Variants in FMN1 observed in about 807,000 individuals in gnomAD.
FMN1 encodes the protein formin-1.
Under a neutral mutation model 132.4 loss-of-function variants are expected in FMN1, and 110 were observed. That is an observed-to-expected ratio of 0.83 (90% CI 0.71 to 0.97). The LOEUF (loss-of-function observed/expected upper bound fraction) is 0.97, where lower values mean the gene tolerates loss of function less well. Ranked by LOEUF, FMN1 falls within the 50% of genes least tolerant of loss-of-function variation. The pLI, the probability that FMN1 is intolerant of heterozygous loss-of-function variation, is 0.00. For missense variants in FMN1, 1,792 were observed against 1,705.3 expected, an observed-to-expected ratio of 1.05 and a Z score of -0.90; for synonymous variants, 722 against 651.7, an observed-to-expected ratio of 1.11 and a Z score of -1.64.
chr15:32,859,439 T>C (rs554909840), intron 16 of FMN1, among the ~76,000 whole-genome samples: 12 of 152,346 alleles, frequency 7.9e-5, no homozygotes, highest in Admixed American at 5.9e-4. Flanking sequence ...CCCAGTTCCA[T>C]GTCTTCATTC....
intron 7 of FMN1, among the ~76,000 whole-genome samples, chr15:33,003,992 C>T (rs138832341): frequency 0.77 from 115,962 of 151,120 alleles, 47,974 homozygotes; most frequent in East Asian, 0.91. Context: ...GCTAGCCATA[C>T]GTACAAAGCT....
At position 32,808,901 on chromosome 15, in the gene FMN1, G is replaced by GTTT. The variant is rs35230592; in HGVS notation, c.3929-4572_3929-4570dup. Reference sequence around the variant, plus strand: ...TATCATTTATGCTCAAAACTTTAGTGTTTTTTTTTTTTTCATTTCACTCAC... The same window carrying GTTT: ...TATCATTTATGCTCAAAACTTTAGTGTTTTTTTTTTTTTTTTCATTTCACTCAC... On this transcript the variant is annotated intron_variant, in intron 17 of 20. Coordinates refer to ENST00000616417, the MANE Select transcript of FMN1 (RefSeq NM_001277313.2). Among the ~76,000 whole-genome samples the GTTT allele has an allele frequency of 3.5e-3, 507 of 144,454 alleles. 3 individuals are homozygous for GTTT. Among genetic ancestry groups the GTTT allele is most frequent in the African/African-American group, 0.01 (406 of 39,210 alleles). The allele number at this position is 144,454 out of a possible 152,430, so 94.8% of individuals were successfully genotyped here.
chr15:33,185,784 C>T lies in FMN1; in HGVS notation c.-196-5522G>A, dbSNP rs145080428. ...ACAGGGTTTCACCATGTTGGCCAGG[C>T]TGGTCTCGAACTCCTGACCTCAGGT... is the stretch of plus-strand genomic sequence containing the variant. On this transcript the variant is annotated intron_variant, in intron 2 of 20. Transcript: ENST00000616417. Among the ~76,000 whole-genome samples, 658 of 152,008 alleles carry T rather than the reference C, an allele frequency of 4.3e-3. 2 individuals carry two copies. The highest frequency in any genetic ancestry group is 0.015 in the African/African-American group (641 of 41,454).
intron 9 of FMN1, among the ~76,000 whole-genome samples, chr15:32,946,380 T>A (rs1363241162): frequency 1.3e-5 from 2 of 152,136 alleles, no homozygotes; most frequent in East Asian, 3.9e-4. Flanking sequence ...ACCCAGAGGT[T>A]CTCTTAGATC....
At chr15:33,002,341 T>G (rs1259400134) in intron 7 of FMN1, among the ~76,000 whole-genome samples, 1 of 152,144 alleles carries the variant, frequency 6.6e-6, no homozygotes, top group East Asian at 1.9e-4. Context: ...CATCAACATA[T>G]TTTTCCCACT....
intron 17 of FMN1, among the ~76,000 whole-genome samples, chr15:32,846,609 G>A (rs1317831493): frequency 6.6e-6 from 1 of 152,228 alleles, no homozygotes; most frequent in Non-Finnish European, 1.5e-5. Context: ...TACACTGTTG[G>A]TGGGAATGTA....
chr15:33,027,086 T>C (rs573892211), intron 6 of FMN1, among the ~76,000 whole-genome samples: 22 of 152,154 alleles, frequency 1.4e-4, no homozygotes, highest in East Asian at 7.7e-4. Context: ...TTTTTTTTAA[T>C]GCAAAAGTTT....
intron 12 of FMN1, among the ~76,000 whole-genome samples, chr15:32,907,027 C>T (rs2060442689): frequency 6.6e-6 from 1 of 152,138 alleles, no homozygotes. Context: ...TCTAAATGTC[C>T]AGGCATCCAT....
At position 33,109,603 on chromosome 15, in the gene FMN1, A is replaced by G. The variant is rs182490620; in HGVS notation, c.1868-20629T>C. 6.0e-4 allele frequency among the ~76,000 whole-genome samples: 91 copies of G among 152,218 alleles called. 2 individuals carry two copies. In the East Asian group the frequency reaches 0.012, roughly 21 times the overall value. ...CTAAGGCAGGAACAGAAAATCAAAT[A>G]CTGCGTGTTCTCACTTATAAGCAAG... On this transcript the variant is annotated intron_variant, in intron 4 of 20. Coordinates refer to ENST00000616417, the MANE Select transcript of FMN1 (RefSeq NM_001277313.2).
chr15:32,851,871 G>T (rs921511004), intron 17 of FMN1, among the ~76,000 whole-genome samples: 13 of 152,184 alleles, frequency 8.5e-5, no homozygotes, highest in African/African-American at 3.1e-4. Flanking sequence ...CAACGCACGT[G>T]ACTTCTCAGG....
chr15:32,958,666 CCA>C (rs1003718303), intron 9 of FMN1, among the ~76,000 whole-genome samples: 1 of 152,102 alleles, frequency 6.6e-6, no homozygotes, highest in Non-Finnish European at 1.5e-5. Context: ...TATCTGAGTT[CCA>C]CAGACTCTTG....
At chr15:32,946,289 A>G (rs2061509824) in intron 9 of FMN1, among the ~76,000 whole-genome samples, 1 of 152,130 alleles carries the variant, frequency 6.6e-6, no homozygotes, top group Non-Finnish European at 1.5e-5. Context: ...GGCATAACAT[A>G]GTGACTGAAA....
intron 6 of FMN1, among the ~76,000 whole-genome samples, chr15:33,017,285 G>C (rs142118372): frequency 8.5e-5 from 13 of 152,226 alleles, no homozygotes; most frequent in Non-Finnish European, 1.5e-5. Flanking sequence ...CTTCAGTACA[G>C]AGCCAATTCT....
rs1400104794 is a variant in FMN1 at position 32,771,295 on chromosome 15, G to T, written c.*3015C>A. On this transcript the variant is annotated 3_prime_UTR_variant, in exon 21 of 21. Coordinates refer to ENST00000616417, the MANE Select transcript of FMN1 (RefSeq NM_001277313.2). ...GGGTTTCACCGTGTTAGCCAGGATG[G>T]TCTCAATCTCCTGACCTCGTGATCC... 3 of 151,498 alleles carry T rather than the reference G, an allele frequency of 2.0e-5. No individual in the cohort carries two copies. The highest frequency in any genetic ancestry group is 7.3e-5 in the African/African-American group (3 of 41,186). The allele number at this position is 151,498 out of a possible 1,614,324, so 9.4% of individuals were successfully genotyped here.
chr15:33,091,044 C>T (rs2038884243), intron 4 of FMN1, among the ~76,000 whole-genome samples: 1 of 152,190 alleles, frequency 6.6e-6, no homozygotes, highest in Non-Finnish European at 1.5e-5. Context: ...AATCCCTCCA[C>T]CTTTCATTTT....
intron 9 of FMN1, among the ~76,000 whole-genome samples, chr15:32,929,803 T>C (rs1016320479): frequency 2.6e-5 from 4 of 151,408 alleles, no homozygotes; most frequent in Non-Finnish European, 5.9e-5. Context: ...TTCCACTGTA[T>C]GTACACACCA....
At chr15:32,872,171 T>C (rs1402355657) in intron 16 of FMN1, among the ~76,000 whole-genome samples, 1 of 152,190 alleles carries the variant, frequency 6.6e-6, no homozygotes, top group African/African-American at 2.4e-5. Context: ...CACTCAGAGT[T>C]TTGTAATATA....
rs570780477 is a variant in FMN1, at chr15:33,124,943, G to A, written c.1867+28105C>T. Among the ~76,000 whole-genome samples the A allele has an allele frequency of 5.9e-5, 9 of 152,042 alleles. No homozygotes were observed. The South Asian group carries it at 6.2e-4, about 11-fold the overall frequency. ...ATACTATGTGCCACTCCCCTCCACT[G>A]AGGTTTTGATTTCTTTGAAATCAGA... is the stretch of plus-strand genomic sequence containing the variant. On this transcript the variant is annotated intron_variant, in intron 4 of 20. Coordinates refer to ENST00000616417, the MANE Select transcript of FMN1 (RefSeq NM_001277313.2).
At chr15:32,914,742 G>A (rs1470209380) in intron 10 of FMN1, among the ~76,000 whole-genome samples, 1 of 152,238 alleles carries the variant, frequency 6.6e-6, no homozygotes, top group Non-Finnish European at 1.5e-5. Flanking sequence ...CTATTATAGT[G>A]ACATTGCTAA....
Sources: gnomAD v4.1 joint callset for allele counts (sites outside exome capture counted in the v4.1 genomes callset) on GRCh38, gnomAD v4.1.1 for gene constraint, MANE v1.5 for transcripts, NCBI Gene and HGNC (gene_info 2026-07-23, HGNC 2026-07-21) for gene names.